The following FNIP1 variants were observed in gnomAD, a reference collection of about 807,000 sequenced individuals.
FNIP1 encodes folliculin interacting protein 1.
In FNIP1, 40 loss-of-function variants were observed where a neutral mutation model predicts 124.5. The observed-to-expected ratio is 0.32, with a 90% CI of 0.25 to 0.42. The LOEUF (loss-of-function observed/expected upper bound fraction) is 0.42. Ranked by LOEUF, FNIP1 falls within the 10% of genes least tolerant of loss-of-function variation. FNIP1 has a pLI of 1.00. For synonymous variants in FNIP1, 472 were observed against 470.6 expected (o/e 1.00, Z -0.04); for missense variants, 1,176 against 1,403.7 (o/e 0.84, Z 2.59).
intron 1 of FNIP1, among the ~76,000 whole-genome samples, chr5:131,752,439 A>G (rs534508071): frequency 1.2e-4 from 18 of 152,096 alleles, no homozygotes; most frequent in African/African-American, 4.1e-4. Context: ...ATGCCACCTT[A>G]GGTTAGGCAA....
chr5:131,726,107 T>C (rs867898152), intron 3 of FNIP1, among the ~76,000 whole-genome samples: 22 of 152,226 alleles, frequency 1.4e-4, no homozygotes, highest in Admixed American at 7.2e-4. Flanking sequence ...AGTATTTTAT[T>C]GAGGATTTTC....
At chr5:131,676,166 C>A (rs1236943705) in intron 13 of FNIP1, among the ~76,000 whole-genome samples, 1 of 152,108 alleles carries the variant, frequency 6.6e-6, no homozygotes, top group African/African-American at 2.4e-5. Context: ...GCGCCCACCA[C>A]CACGCCCAGC....
intron 15 of FNIP1, among the ~76,000 whole-genome samples, chr5:131,659,026 G>A (rs556094132): frequency 2.0e-5 from 3 of 151,248 alleles, no homozygotes; most frequent in Non-Finnish European, 2.9e-5. Context: ...AGGGTGAAAC[G>A]CGACTAAGTA....
chr5:131,759,739 T>C (rs1236443128), intron 1 of FNIP1, among the ~76,000 whole-genome samples: 1 of 152,218 alleles, frequency 6.6e-6, no homozygotes, highest in Non-Finnish European at 1.5e-5. Context: ...CATTACTGGG[T>C]ATATATCCAA....
At chr5:131,666,850 G>A (rs549694806) in intron 15 of FNIP1, among the ~76,000 whole-genome samples, 2 of 152,272 alleles carry the variant, frequency 1.3e-5, no homozygotes, top group East Asian at 3.9e-4. Context: ...CTTTCACAGA[G>A]AAAGTCACAA....
At chr5:131,781,950 G>A (rs545889307) in intron 1 of FNIP1, among the ~76,000 whole-genome samples, 12 of 152,264 alleles carry the variant, frequency 7.9e-5, no homozygotes, top group African/African-American at 2.2e-4. Context: ...CTTGAGGCCA[G>A]GAGTTCAAGC....
In FNIP1 at chr5:131,760,282, G is replaced by C. The variant is rs1771183502; in HGVS notation, c.93-15592C>G. On this transcript the variant is annotated intron_variant, in intron 1 of 17. Coordinates refer to ENST00000510461, the MANE Select transcript of FNIP1 (RefSeq NM_133372.3). ...AATCAGGGTGTTAATTTTTAAAAAG[G>C]CTCCTTGGGGGAATATAAGTGAAAA... 2.6e-5 allele frequency among the ~76,000 whole-genome samples: 4 copies of C among 151,814 alleles called. No homozygotes were observed. In the South Asian group the frequency reaches 6.2e-4, roughly 24 times the overall value.
intron 2 of FNIP1, among the ~76,000 whole-genome samples, chr5:131,739,182 GTTTTATAT>G (rs1240334284): frequency 1.3e-5 from 2 of 151,998 alleles, no homozygotes; most frequent in Non-Finnish European, 2.9e-5. Flanking sequence ...TAATGTTATA[GTTTTATAT>G]TTTTATATTT....
At chr5:131,737,596 A>G (rs557963295) in intron 2 of FNIP1, among the ~76,000 whole-genome samples, 125 of 152,296 alleles carry the variant, frequency 8.2e-4, no homozygotes, top group African/African-American at 2.8e-3. Flanking sequence ...TTTCATGGCA[A>G]TTCACTTAAA....
chr5:131,789,041 TA>T (rs1772312453), intron 1 of FNIP1, among the ~76,000 whole-genome samples: 1 of 152,066 alleles, frequency 6.6e-6, no homozygotes, highest in African/African-American at 2.4e-5. Flanking sequence ...GATGAATGGA[TA>T]AAGAAAATGT....
chr5:131,792,709 CTT>C (rs1772448164), intron 1 of FNIP1, among the ~76,000 whole-genome samples: 1 of 152,172 alleles, frequency 6.6e-6, no homozygotes, highest in Non-Finnish European at 1.5e-5. Flanking sequence ...GCAGTCGACA[CTT>C]TGTGCACAAA....
intron 11 of FNIP1, among the ~76,000 whole-genome samples, chr5:131,696,024 CA>C (rs1487377344): frequency 6.6e-6 from 1 of 152,178 alleles, no homozygotes; most frequent in Non-Finnish European, 1.5e-5. Flanking sequence ...CCTCCTAAAT[CA>C]TAAAGAAGAT....
intron 1 of FNIP1, among the ~76,000 whole-genome samples, chr5:131,794,869 G>C (rs976335924): frequency 6.6e-6 from 1 of 152,234 alleles, no homozygotes; most frequent in Non-Finnish European, 1.5e-5. Flanking sequence ...GGGTGAGGAG[G>C]AGTTAGGCTA....
At chr5:131,709,170 T>C (rs1769209600) in intron 8 of FNIP1, 31 bp downstream of exon 8, 1 of 1,586,018 alleles carries the variant, frequency 6.3e-7, no homozygotes, top group African/African-American at 1.3e-5. Flanking sequence ...AGTAATCTCA[T>C]AAAAAACTGA....
chr5:131,773,848 G>A (rs995926595), intron 1 of FNIP1, among the ~76,000 whole-genome samples: 1 of 152,082 alleles, frequency 6.6e-6, no homozygotes, highest in African/African-American at 2.4e-5. Flanking sequence ...TGCTAGAGGG[G>A]TATGTGGCAG....
At chr5:131,676,610 C>T (rs559835106) in intron 13 of FNIP1, among the ~76,000 whole-genome samples, 1 of 151,970 alleles carries the variant, frequency 6.6e-6, no homozygotes, top group East Asian at 2.0e-4. Context: ...AATACAAAAA[C>T]TAGCCTGGTG....
At chr5:131,716,727 G>T in intron 5 of FNIP1, 71 bp from the exon 6 acceptor site, 1 of 909,678 alleles carries the variant, frequency 1.1e-6, no homozygotes. Context: ...TGTACATCCT[G>T]ATGAAATTTT....
At chr5:131,778,315 T>C in intron 1 of FNIP1, among the ~76,000 whole-genome samples, 2 of 152,044 alleles carry the variant, frequency 1.3e-5, no homozygotes, top group South Asian at 2.1e-4. Flanking sequence ...TTAAAGAAAG[T>C]AATGTAGACA....
chr5:131,684,768 A>G (rs1768214162), intron 11 of FNIP1, among the ~76,000 whole-genome samples: 1 of 152,196 alleles, frequency 6.6e-6, no homozygotes, highest in Non-Finnish European at 1.5e-5. Flanking sequence ...CTTCAGCTGG[A>G]TCTATAATGA....
Sources: gnomAD v4.1 joint callset for allele counts (sites outside exome capture counted in the v4.1 genomes callset) on GRCh38, gnomAD v4.1.1 for gene constraint, MANE v1.5 for transcripts, NCBI Gene and HGNC (gene_info 2026-07-23, HGNC 2026-07-21) for gene names.